COL6A5: variants seen among roughly 807,000 people sequenced by gnomAD.
COL6A5 encodes collagen type VI alpha 5 chain.
COL6A5 carries 48 observed loss-of-function variants against 65.6 expected under a neutral mutation model. The observed-to-expected ratio is 0.73, with a 90% CI of 0.58 to 0.93. COL6A5 has a LOEUF of 0.93. Among genes scored for constraint, COL6A5 ranks in the 40% least tolerant of loss-of-function variants. The probability of loss-of-function intolerance (pLI) is 0.00; values close to 1 mark genes in which losing one functional copy is unlikely to be tolerated. For missense variants in COL6A5, 914 were observed against 928.3 expected (o/e 0.98, Z 0.20); for synonymous variants, 291 against 322.8 (o/e 0.90, Z 1.05).
intron 4 of COL6A5, among the ~76,000 whole-genome samples, chr3:130,384,329 C>T (rs1053850155): frequency 2.3e-4 from 35 of 151,812 alleles, no homozygotes; most frequent in Admixed American, 2.2e-3. Flanking sequence ...CCAAATGCAA[C>T]GATAGATCAT....
intron 4 of COL6A5, among the ~76,000 whole-genome samples, chr3:130,453,887 G>C (rs1709505864): frequency 6.6e-6 from 1 of 152,136 alleles, no homozygotes; most frequent in Non-Finnish European, 1.5e-5. Flanking sequence ...TCTAATGTCA[G>C]ATTTCATTTA....
rs185555299 is a variant in COL6A5 at position 130,450,479 on chromosome 3, G to A, written c.1333-4976G>A. On this transcript the variant is annotated intron_variant, in intron 4 of 7. Coordinates refer to ENST00000512836, the Ensembl canonical transcript of COL6A5. ...AGAATTAGTGGGACCAGTTTGGTTGGTGTCCTTCATGGCCCGTGCCCACAG... is the reference window on the plus strand; with the variant it reads ...AGAATTAGTGGGACCAGTTTGGTTGATGTCCTTCATGGCCCGTGCCCACAG... Among the ~76,000 whole-genome samples the A allele has an allele frequency of 1.1e-3, 167 of 152,226 alleles. 1 individual carries two copies. The highest frequency in any genetic ancestry group is 3.8e-3 in the African/African-American group (157 of 41,538).
At chr3:130,373,241 G>T (rs1356474944) in intron 1 of COL6A5, among the ~76,000 whole-genome samples, 1 of 152,184 alleles carries the variant, frequency 6.6e-6, no homozygotes, top group South Asian at 2.1e-4. Flanking sequence ...GAGGTTAGGT[G>T]ATGCAATTGC....
intron 1 of COL6A5, among the ~76,000 whole-genome samples, chr3:130,360,231 A>C (rs1935062283): frequency 1.3e-5 from 2 of 152,254 alleles, no homozygotes; most frequent in East Asian, 3.9e-4. Context: ...CAGTGGCTTC[A>C]AGAACAATCC....
chr3:130,398,330 C>T (rs1936688183), intron 10 of COL6A5, among the ~76,000 whole-genome samples: 1 of 152,072 alleles, frequency 6.6e-6, no homozygotes, highest in Non-Finnish European at 1.5e-5. Flanking sequence ...TGGGGTTTCA[C>T]TGTGTTAGCT....
exon 4 of COL6A5, chr3:130,380,011 A>T: frequency 6.5e-7 from 1 of 1,548,972 alleles, no homozygotes; most frequent in Non-Finnish European, 8.7e-7. Flanking sequence ...ATGGTCCCAA[A>T]TTTCTACTTA....
At chr3:130,389,772 C>T (rs561767620) in intron 6 of COL6A5, among the ~76,000 whole-genome samples, 1 of 152,080 alleles carries the variant, frequency 6.6e-6, no homozygotes, top group African/African-American at 2.4e-5. Flanking sequence ...TATTGTGCAA[C>T]CTTCAGTTTG....
At chr3:130,455,100 G>A (rs974810419) in intron 4 of COL6A5, among the ~76,000 whole-genome samples, 9 of 151,388 alleles carry the variant, frequency 5.9e-5, no homozygotes, top group South Asian at 4.2e-4. Context: ...TGATTGCACC[G>A]CTGCATTCCA....
At chr3:130,478,103 T>G (rs374830256) in intron 7 of COL6A5, among the ~76,000 whole-genome samples, 1 of 152,102 alleles carries the variant, frequency 6.6e-6, no homozygotes, top group South Asian at 2.1e-4. Flanking sequence ...GAGCTTCCAT[T>G]TCCTCATCTG....
chr3:130,402,921 A>G (rs1452773336), intron 12 of COL6A5, among the ~76,000 whole-genome samples: 2 of 152,172 alleles, frequency 1.3e-5, no homozygotes, highest in Non-Finnish European at 2.9e-5. Flanking sequence ...TGCACTGTCC[A>G]TCCTTATGGA....
chr3:130,436,435 A>C (rs1000932905), intron 1 of COL6A5, among the ~76,000 whole-genome samples: 2 of 152,024 alleles, frequency 1.3e-5, no homozygotes, highest in African/African-American at 4.8e-5. Context: ...TGGCTCCCAT[A>C]TAGCAATCTC....
At chr3:130,365,854 G>A (rs1327970267) in intron 1 of COL6A5, among the ~76,000 whole-genome samples, 5 of 152,196 alleles carry the variant, frequency 3.3e-5, no homozygotes, top group Admixed American at 6.5e-5. Context: ...CTCTGGGAGT[G>A]GGACCTGGCA....
At chr3:130,409,795 C>T (rs1403968952) in intron 18 of COL6A5, among the ~76,000 whole-genome samples, 2 of 152,128 alleles carry the variant, frequency 1.3e-5, no homozygotes, top group Admixed American at 6.6e-5. Flanking sequence ...GTAGCAGGCA[C>T]CCTTTTAATT....
chr3:130,397,614 C>T (rs1318316767), exon 9 of COL6A5: 1 of 1,551,114 alleles, frequency 6.4e-7, no homozygotes, highest in East Asian at 2.4e-5. Flanking sequence ...TTGGGTTTGA[C>T]ATCTCCACTC....
chr3:130,445,417 G>C (rs971590071), intron 4 of COL6A5, among the ~76,000 whole-genome samples: 3 of 152,144 alleles, frequency 2.0e-5, no homozygotes, highest in African/African-American at 7.2e-5. Flanking sequence ...TTGATTATTC[G>C]TCCAAATTTT....
At position 130,478,475 on chromosome 3, in the gene COL6A5, T is replaced by C. The variant is rs115909997; in HGVS notation, c.2329-5560T>C. On this transcript the variant is annotated intron_variant, in intron 7 of 7. Transcript: ENST00000512836. ...TGGGTGACACACAAAGATTTTCCAATGCATGGATTTCAAAAGCTAGTCTTA... is the reference window on the plus strand; with the variant it reads ...TGGGTGACACACAAAGATTTTCCAACGCATGGATTTCAAAAGCTAGTCTTA... Among the ~76,000 whole-genome samples, 633 of 152,218 alleles carry C rather than the reference T, an allele frequency of 4.2e-3. 6 individuals carry two copies. Among genetic ancestry groups the C allele is most frequent in the African/African-American group, 0.014 (565 of 41,568 alleles).
intron 4 of COL6A5, among the ~76,000 whole-genome samples, chr3:130,446,602 G>C (rs547324426): frequency 9.2e-5 from 14 of 152,238 alleles, no homozygotes; most frequent in African/African-American, 3.1e-4. Flanking sequence ...TGGTGTGCCT[G>C]TTTCTGTGGA....
At chr3:130,362,258 C>A (rs1349549203) in intron 1 of COL6A5, among the ~76,000 whole-genome samples, 1 of 138,816 alleles carries the variant, frequency 7.2e-6, no homozygotes, top group Non-Finnish European at 1.5e-5. Context: ...TTCTTTCTCT[C>A]TCTCTCTCTC....
chr3:130,382,528 A>G (rs770338164), intron 4 of COL6A5, among the ~76,000 whole-genome samples: 4 of 152,134 alleles, frequency 2.6e-5, no homozygotes, highest in Non-Finnish European at 4.4e-5. Context: ...CCCAAGCATC[A>G]CTCTAAAACT....
Sources: allele counts gnomAD v4.1 joint callset (sites outside exome capture counted in the v4.1 genomes callset), GRCh38; gene constraint gnomAD v4.1.1; transcripts MANE v1.5; gene names NCBI Gene and HGNC (gene_info 2026-07-23, HGNC 2026-07-21).